The following UBE2E3 variants were observed in gnomAD, a reference collection of about 807,000 sequenced individuals.
UBE2E3 encodes ubiquitin conjugating enzyme E2 E3, also known as ubiquitin-conjugating enzyme E2 E3.
In UBE2E3, 5 loss-of-function variants were observed where a neutral mutation model predicts 23.6. That is an observed-to-expected ratio of 0.21 (90% CI 0.11 to 0.44). The LOEUF is 0.44. Among genes scored for constraint, UBE2E3 ranks in the 20% least tolerant of loss-of-function variants. The pLI is 0.99. For synonymous variants in UBE2E3, 78 were observed against 87.5 expected (o/e 0.89, Z 0.60); for missense variants, 81 against 249.8 (o/e 0.32, Z 4.55).
chr2:181,008,906 C>CTTTTTTTT (rs3060037), intron 3 of UBE2E3, among the ~76,000 whole-genome samples: 1 of 142,344 alleles, frequency 7.0e-6, no homozygotes, highest in Non-Finnish European at 1.5e-5. Flanking sequence ...GCAGTATGTG[C>CTTTTTTTT]TTTTTTTTTT....
intron 3 of UBE2E3, among the ~76,000 whole-genome samples, chr2:181,024,219 G>A (rs949858542): frequency 6.6e-6 from 1 of 152,082 alleles, no homozygotes; most frequent in Non-Finnish European, 1.5e-5. Flanking sequence ...TCCAAGATGA[G>A]CCTCTTGACT....
intron 3 of UBE2E3, among the ~76,000 whole-genome samples, chr2:181,032,589 T>C (rs1686118091): frequency 1.3e-5 from 2 of 152,240 alleles, no homozygotes; most frequent in Admixed American, 6.5e-5. Context: ...TTATTCTTTA[T>C]TCTTAACTCC....
intron 3 of UBE2E3, among the ~76,000 whole-genome samples, chr2:181,030,911 A>C (rs1050437890): frequency 1.3e-5 from 2 of 152,108 alleles, no homozygotes; most frequent in African/African-American, 2.4e-5. Flanking sequence ...ATTTAAAAAA[A>C]ATTTTAGTTT....
chr2:181,023,823 G>T (rs764440297), intron 3 of UBE2E3, among the ~76,000 whole-genome samples: 1 of 152,150 alleles, frequency 6.6e-6, no homozygotes, highest in Non-Finnish European at 1.5e-5. Flanking sequence ...AGAATTAAAT[G>T]AATTGATACA....
chr2:181,036,138 G>A (rs543796516), intron 3 of UBE2E3, among the ~76,000 whole-genome samples: 2 of 152,164 alleles, frequency 1.3e-5, no homozygotes, highest in Non-Finnish European at 2.9e-5. Flanking sequence ...AACGAAGTTG[G>A]AGGACTCATA....
At chr2:181,023,356 A>T in intron 3 of UBE2E3, among the ~76,000 whole-genome samples, 1 of 152,212 alleles carries the variant, frequency 6.6e-6, no homozygotes, top group East Asian at 1.9e-4. Flanking sequence ...CTTTCATAGT[A>T]AATAGAACAT....
At chr2:181,039,078 A>G (rs1013308838) in intron 3 of UBE2E3, among the ~76,000 whole-genome samples, 39 of 151,582 alleles carry the variant, frequency 2.6e-4, no homozygotes, top group African/African-American at 9.2e-4. Context: ...ACATCCTCCA[A>G]AATGGTATGT....
At chr2:181,055,638 C>G (rs1316087948) in intron 3 of UBE2E3, among the ~76,000 whole-genome samples, 2 of 151,634 alleles carry the variant, frequency 1.3e-5, no homozygotes, top group African/African-American at 2.4e-5. Context: ...TAGTCTACTC[C>G]AAGACAATAG....
At chr2:181,062,196 T>G (rs1574230453) in intron 5 of UBE2E3, among the ~76,000 whole-genome samples, 2 of 151,802 alleles carry the variant, frequency 1.3e-5, no homozygotes, top group East Asian at 3.9e-4. Flanking sequence ...CTGGCTATGG[T>G]TTGGTACAAT....
intron 3 of UBE2E3, among the ~76,000 whole-genome samples, chr2:181,016,560 A>C (rs1259428950): frequency 6.6e-6 from 1 of 152,150 alleles, no homozygotes; most frequent in Non-Finnish European, 1.5e-5. Flanking sequence ...AGCCTAGATA[A>C]CTTGACAATT....
At chr2:181,003,727 T>G (rs1187201363) in intron 3 of UBE2E3, among the ~76,000 whole-genome samples, 1 of 152,230 alleles carries the variant, frequency 6.6e-6, no homozygotes, top group Non-Finnish European at 1.5e-5. Flanking sequence ...ACATTTTTAT[T>G]GCCGTTTACT....
At chr2:180,981,962 G>T in intron 1 of UBE2E3, 56 bp from the exon 2 acceptor site, 5 of 1,286,940 alleles carry the variant, frequency 3.9e-6, no homozygotes, top group Non-Finnish European at 5.4e-6. Context: ...AAATGCTGTT[G>T]GTTTATTTCC....
intron 3 of UBE2E3, among the ~76,000 whole-genome samples, chr2:181,018,824 T>C (rs1298281642): frequency 6.6e-6 from 1 of 152,144 alleles, no homozygotes; most frequent in East Asian, 1.9e-4. Flanking sequence ...AGCTCATGCC[T>C]TTTATATAGG....
rs552119539 is a variant in UBE2E3, at chr2:181,051,091, A to G, written c.246-6602A>G. On this transcript the variant is annotated intron_variant, in intron 3 of 5. Transcript: ENST00000410062. ...AATAACTATCCTGTATTTTTGGTCC[A>G]TGATTTCTGCATGTTTTCATACTTT... 3.3e-5 allele frequency among the ~76,000 whole-genome samples: 5 copies of G among 151,962 alleles called. No homozygotes were observed. In the East Asian group the frequency reaches 5.8e-4, roughly 18 times the overall value.
intron 3 of UBE2E3, among the ~76,000 whole-genome samples, chr2:181,043,324 G>A (rs1046970011): frequency 6.6e-6 from 1 of 152,194 alleles, no homozygotes; most frequent in African/African-American, 2.4e-5. Context: ...TGATGGTGAT[G>A]CCAGTCAACC....
chr2:181,026,215 A>C (rs1685878104), intron 3 of UBE2E3, among the ~76,000 whole-genome samples: 1 of 151,930 alleles, frequency 6.6e-6, no homozygotes, highest in African/African-American at 2.4e-5. Context: ...GATTGAAGCT[A>C]ATACTTTAGA....
At chr2:181,011,218 C>T (rs916184419) in intron 3 of UBE2E3, among the ~76,000 whole-genome samples, 1 of 151,924 alleles carries the variant, frequency 6.6e-6, no homozygotes, top group Non-Finnish European at 1.5e-5. Context: ...TTATTTGACT[C>T]ATGTTATGGA....
chr2:180,981,501 A>C (rs972910174), intron 1 of UBE2E3: 1 of 152,194 alleles, frequency 6.6e-6, no homozygotes, highest in Non-Finnish European at 1.5e-5. Flanking sequence ...TAAATTTCCA[A>C]GTGTTGTGTT....
At chr2:181,060,863 T>TGG in intron 5 of UBE2E3, 51 bp downstream of exon 5, 1 of 21,328 alleles carries the variant, frequency 4.7e-5, no homozygotes, top group Non-Finnish European at 8.2e-5. Context: ...AACGAGTGCT[T>TGG]TTTTTTTTTT....
Sources: gnomAD v4.1 joint callset for allele counts (sites outside exome capture counted in the v4.1 genomes callset) on GRCh38, gnomAD v4.1.1 for gene constraint, MANE v1.5 for transcripts, NCBI Gene and HGNC (gene_info 2026-07-23, HGNC 2026-07-21) for gene names.